The following BANK1 variants were observed in gnomAD, a reference collection of about 807,000 sequenced individuals.
The protein encoded by BANK1 is B-cell scaffold protein with ankyrin repeats.
A neutral mutation model predicts 94.5 loss-of-function variants in BANK1; 95 were observed. The observed-to-expected ratio is 1.00, with a 90% CI of 0.85 to 1.19. The LOEUF (loss-of-function observed/expected upper bound fraction) is 1.19, where lower values mean the gene tolerates loss of function less well. Ranked by LOEUF, BANK1 falls within the 50% of genes most tolerant of loss-of-function variation. The probability of loss-of-function intolerance (pLI) is 0.00; values close to 1 mark genes in which losing one functional copy is unlikely to be tolerated. For synonymous variants in BANK1, 334 were observed against 308.4 expected (o/e 1.08, Z -0.87); for missense variants, 987 against 932.2 (o/e 1.06, Z -0.77).
chr4:102,007,170 A>ATATATATATATATATATAT (rs1560682419), intron 7 of BANK1, among the ~76,000 whole-genome samples: 35 of 113,120 alleles, frequency 3.1e-4, no homozygotes, highest in Non-Finnish European at 5.4e-4. Flanking sequence ...ATATATATAT[A>ATATATATATATATATATAT]AAATCCCTAA....
At position 102,030,019 on chromosome 4, in the gene BANK1, CAAGA is replaced by C; in HGVS notation, c.1657_1660del (p.Glu553GlnfsTer37). The C allele has an allele frequency of 6.2e-7, 1 of 1,612,966 alleles. No individual in the cohort carries two copies. Among genetic ancestry groups the C allele is most frequent in the Non-Finnish European group, 8.5e-7 (1 of 1,179,704 alleles). ...AAACTGGGGTCATCCTGGTGTTAGA[CAAGA>C]AACAGGAGATGAACCCAAAGGAGAA... On this transcript the variant is annotated frameshift_variant, in exon 10 of 17. Transcript: ENST00000322953. LOFTEE classifies it high-confidence loss of function.
At chr4:102,062,442 G>A (rs1314008791) in intron 12 of BANK1, 1 of 152,200 alleles carries the variant, frequency 6.6e-6, no homozygotes, top group Non-Finnish European at 1.5e-5. Flanking sequence ...GGAAAATCCT[G>A]AGGAAAGAGT....
intron 2 of BANK1, among the ~76,000 whole-genome samples, chr4:101,834,895 T>A (rs1726766193): frequency 6.6e-6 from 1 of 152,120 alleles, no homozygotes. Flanking sequence ...TTATAATTAA[T>A]CAAGGCTCCA....
chr4:101,948,854 A>G (rs969469657), intron 7 of BANK1, among the ~76,000 whole-genome samples: 4 of 152,162 alleles, frequency 2.6e-5, no homozygotes, highest in Admixed American at 2.0e-4. Context: ...TTGGTATCTG[A>G]CACAGGAGGA....
chr4:101,948,625 G>A (rs1177859111), intron 7 of BANK1, among the ~76,000 whole-genome samples: 5 of 152,066 alleles, frequency 3.3e-5, no homozygotes, highest in Admixed American at 3.3e-4. Flanking sequence ...CAAAATCTGG[G>A]AGGTGCTGTG....
intron 2 of BANK1, among the ~76,000 whole-genome samples, chr4:101,834,580 TTA>T (rs1726754201): frequency 6.6e-6 from 1 of 152,222 alleles, no homozygotes; most frequent in African/African-American, 2.4e-5. Context: ...CTAAATTATT[TTA>T]TGTTTATGTT....
intron 2 of BANK1, among the ~76,000 whole-genome samples, chr4:101,834,096 C>G (rs761106034): frequency 6.6e-6 from 1 of 152,132 alleles, no homozygotes; most frequent in Non-Finnish European, 1.5e-5. Context: ...TATAATGTCA[C>G]TATTATGTAA....
chr4:101,806,475 G>T (rs1382982601), intron 1 of BANK1, among the ~76,000 whole-genome samples: 1 of 152,118 alleles, frequency 6.6e-6, no homozygotes, highest in African/African-American at 2.4e-5. Context: ...GAAATACGTT[G>T]CACTGGATTT....
chr4:101,859,714 C>G (rs984514465), intron 3 of BANK1, among the ~76,000 whole-genome samples: 4 of 152,164 alleles, frequency 2.6e-5, no homozygotes, highest in African/African-American at 7.2e-5. Flanking sequence ...CAGAGCTGAG[C>G]ATGCTCAATG....
At chr4:101,900,388 A>C (rs1164491319) in intron 6 of BANK1, among the ~76,000 whole-genome samples, 1 of 152,232 alleles carries the variant, frequency 6.6e-6, no homozygotes, top group Non-Finnish European at 1.5e-5. Flanking sequence ...CACATCGCTT[A>C]ATATCATCTA....
At chr4:101,852,503 T>C (rs567472987) in intron 2 of BANK1, among the ~76,000 whole-genome samples, 36 of 80,172 alleles carry the variant, frequency 4.5e-4, no homozygotes, top group South Asian at 9.3e-4. Flanking sequence ...TATATATATA[T>C]ACACACACAC....
chr4:101,835,876 C>A (rs982434773), intron 2 of BANK1, among the ~76,000 whole-genome samples: 5 of 152,162 alleles, frequency 3.3e-5, no homozygotes, highest in Non-Finnish European at 7.3e-5. Context: ...GTATCATTCA[C>A]CATTGAACAA....
At chr4:101,843,916 G>A (rs113625862) in intron 2 of BANK1, among the ~76,000 whole-genome samples, 33 of 151,740 alleles carry the variant, frequency 2.2e-4, no homozygotes, top group South Asian at 6.2e-4. Flanking sequence ...GGCAAGACTC[G>A]GTCTCAAAAA....
intron 7 of BANK1, among the ~76,000 whole-genome samples, chr4:102,019,152 G>C (rs1241659677): frequency 1.3e-5 from 2 of 151,978 alleles, no homozygotes; most frequent in African/African-American, 4.8e-5. Flanking sequence ...ATAAAATATT[G>C]TATTCTAATA....
At chr4:101,842,465 C>T (rs1727086728) in intron 2 of BANK1, among the ~76,000 whole-genome samples, 1 of 152,158 alleles carries the variant, frequency 6.6e-6, no homozygotes, top group Admixed American at 6.5e-5. Flanking sequence ...GTACTATTCT[C>T]ATTTTTAAGT....
At chr4:101,859,024 G>A (rs765454703) in intron 3 of BANK1, among the ~76,000 whole-genome samples, 4 of 152,036 alleles carry the variant, frequency 2.6e-5, no homozygotes, top group Non-Finnish European at 5.9e-5. Context: ...CTTTTTGCCC[G>A]TTCATCCCTT....
At chr4:101,831,340 C>T (rs1316348107) in intron 2 of BANK1, among the ~76,000 whole-genome samples, 1 of 152,206 alleles carries the variant, frequency 6.6e-6, no homozygotes, top group African/African-American at 2.4e-5. Flanking sequence ...TCCAGGGAAC[C>T]TATATCAACC....
At chr4:101,866,343 T>G (rs1297022222) in intron 4 of BANK1, among the ~76,000 whole-genome samples, 1 of 152,110 alleles carries the variant, frequency 6.6e-6, no homozygotes, top group Non-Finnish European at 1.5e-5. Context: ...TGTTTGTTTT[T>G]TAAAGAAAGG....
At chr4:102,029,086 A>T (rs1382443931) in intron 9 of BANK1, among the ~76,000 whole-genome samples, 2 of 152,020 alleles carry the variant, frequency 1.3e-5, no homozygotes, top group African/African-American at 2.4e-5. Context: ...TTATTTTTGT[A>T]GATACTAGGT....
Sources: allele counts gnomAD v4.1 joint callset (sites outside exome capture counted in the v4.1 genomes callset), GRCh38; gene constraint gnomAD v4.1.1; transcripts MANE v1.5; gene names NCBI Gene and HGNC (gene_info 2026-07-23, HGNC 2026-07-21).